ROR2: variants seen among roughly 807,000 people sequenced by gnomAD.
The protein encoded by ROR2 is ROR family WNT receptor 2, also known as tyrosine-protein kinase transmembrane receptor ROR2.
A neutral mutation model predicts 74.9 loss-of-function variants in ROR2; 33 were observed. That is an observed-to-expected ratio of 0.44 (90% confidence interval 0.33 to 0.59). The LOEUF (loss-of-function observed/expected upper bound fraction) is 0.59. Ranked by LOEUF, ROR2 falls within the 20% of genes least tolerant of loss-of-function variation. The pLI, the probability that ROR2 is intolerant of heterozygous loss-of-function variation, is 0.02. For missense variants in ROR2, 1,216 were observed against 1,313.8 expected (o/e 0.93, Z 1.15); for synonymous variants, 586 against 558.7 (o/e 1.05, Z -0.69).
rs1825781756 is a variant in ROR2 at position 91,757,219 on chromosome 9, T to C, written c.463+53A>G. ...AATAGCAACTGGACCTCTTGCTCGGTGGCTGGGAACCTTCATATCTGCTAA... is the reference window on the plus strand; with the variant it reads ...AATAGCAACTGGACCTCTTGCTCGGCGGCTGGGAACCTTCATATCTGCTAA... On this transcript the variant is annotated intron_variant, in intron 3 of 8. Transcript: ENST00000375708. 5 of 1,610,676 alleles carry C rather than the reference T, an allele frequency of 3.1e-6. No homozygotes were observed. In the East Asian group the frequency reaches 8.9e-5, roughly 29 times the overall value.
chr9:91,867,378 A>G (rs984225871), intron 1 of ROR2, among the ~76,000 whole-genome samples: 4 of 152,154 alleles, frequency 2.6e-5, no homozygotes, highest in Admixed American at 1.3e-4. Flanking sequence ...ACCCTGAGAG[A>G]TAACTTAATT....
intron 1 of ROR2, among the ~76,000 whole-genome samples, chr9:91,855,336 G>A (rs368310803): frequency 2.6e-5 from 4 of 152,362 alleles, no homozygotes; most frequent in African/African-American, 4.8e-5. Context: ...GTGTCTGAGC[G>A]TGCATGACAA....
intron 1 of ROR2, among the ~76,000 whole-genome samples, chr9:91,829,451 G>A (rs918028727): frequency 4.8e-5 from 7 of 147,334 alleles, no homozygotes; most frequent in South Asian, 4.3e-4. Context: ...TCGGGAGGCT[G>A]AAGCAGGAGA....
intron 2 of ROR2, among the ~76,000 whole-genome samples, chr9:91,775,320 G>T (rs1254736878): frequency 2.6e-5 from 4 of 152,190 alleles, no homozygotes; most frequent in Non-Finnish European, 5.9e-5. Flanking sequence ...TGTGCCAAGT[G>T]AGCATGGCTC....
At chr9:91,948,949 C>T (rs1286448610) in intron 1 of ROR2, 1 of 982,922 alleles carries the variant, frequency 1.0e-6, no homozygotes, top group Non-Finnish European at 1.2e-6. Flanking sequence ...TCCAGGCAAC[C>T]TAGGCAGGTC....
chr9:91,893,162 G>C (rs767500281), intron 1 of ROR2, among the ~76,000 whole-genome samples: 35 of 152,258 alleles, frequency 2.3e-4, no homozygotes, highest in Non-Finnish European at 4.7e-4. Context: ...CTGATGGCTA[G>C]CTTTGGCTAG....
chr9:91,789,911 A>C (rs1359108978), intron 1 of ROR2, among the ~76,000 whole-genome samples: 2 of 152,178 alleles, frequency 1.3e-5, no homozygotes, highest in Non-Finnish European at 2.9e-5. Flanking sequence ...AAAAAACACT[A>C]CCCAAACATA....
At chr9:91,757,584 G>C (rs766932371) in intron 2 of ROR2, 25 bp from the exon 3 acceptor site, 11 of 1,609,532 alleles carry the variant, frequency 6.8e-6, no homozygotes, top group Non-Finnish European at 9.3e-6. Flanking sequence ...GGTCACAAAA[G>C]AGCAAGCGTC....
intron 1 of ROR2, among the ~76,000 whole-genome samples, chr9:91,870,040 T>C (rs1472583112): frequency 1.3e-5 from 2 of 152,166 alleles, no homozygotes; most frequent in Non-Finnish European, 2.9e-5. Context: ...GAAAACAACA[T>C]CAAATGAAGA....
intron 1 of ROR2, among the ~76,000 whole-genome samples, chr9:91,823,394 A>G (rs1332562564): frequency 6.7e-6 from 1 of 149,894 alleles, no homozygotes; most frequent in East Asian, 1.9e-4. Context: ...GAGTGACATG[A>G]TCTCGGCCCA....
chr9:91,851,734 TG>T (rs1224244968), intron 1 of ROR2, among the ~76,000 whole-genome samples: 3 of 152,100 alleles, frequency 2.0e-5, no homozygotes, highest in Non-Finnish European at 4.4e-5. Context: ...CCCAGCACTT[TG>T]GGAGGCCGAA....
At chr9:91,895,919 G>A (rs765779864) in intron 1 of ROR2, among the ~76,000 whole-genome samples, 2 of 152,214 alleles carry the variant, frequency 1.3e-5, no homozygotes, top group Admixed American at 6.5e-5. Context: ...GGCATTTGGT[G>A]ATACAGGGAA....
chr9:91,944,295 C>T (rs1038196747), intron 1 of ROR2, among the ~76,000 whole-genome samples: 3 of 152,162 alleles, frequency 2.0e-5, no homozygotes, highest in Non-Finnish European at 4.4e-5. Context: ...TCTTATGGGA[C>T]CACTGTCATA....
intron 2 of ROR2, among the ~76,000 whole-genome samples, chr9:91,766,673 T>C (rs1826068082): frequency 1.3e-5 from 2 of 152,208 alleles, no homozygotes; most frequent in Admixed American, 1.3e-4. Flanking sequence ...ATACGGGGTT[T>C]GTATTAACCA....
chr9:91,757,517 A>C lies in ROR2; in HGVS notation c.218T>G (p.Ile73Ser). The change falls in exon 3 of 9, where the codon ATT (isoleucine) becomes AGT (serine). Residue 73 changes from isoleucine (I) to serine (S), a missense_variant. Ile to Ser is a moderately radical substitution (Grantham distance 142). Transcript: ENST00000375708. ...CAGAATTGCCGTCTGGCCTTGGACA[A>C]TGGTGATATTGTTTACTGGCTCCAG... Reference protein sequence around the residue: ...NFLEPVNNITIVQGQTAILHC... With the variant: ...NFLEPVNNITSVQGQTAILHC... 1.9e-6 allele frequency: 3 copies of C among 1,613,686 alleles called. No homozygotes were observed. The highest frequency in any genetic ancestry group is 2.5e-6 in the Non-Finnish European group (3 of 1,179,970).
intron 1 of ROR2, among the ~76,000 whole-genome samples, chr9:91,939,937 T>C (rs2118041610): frequency 6.6e-6 from 1 of 152,306 alleles, no homozygotes; most frequent in East Asian, 1.9e-4. Flanking sequence ...AGATGCCTCG[T>C]GGCCTGAATC....
intron 1 of ROR2, among the ~76,000 whole-genome samples, chr9:91,827,293 T>C (rs1445001076): frequency 6.6e-6 from 1 of 152,142 alleles, no homozygotes. Context: ...GAATATTACA[T>C]TTTGAAGGTT....
intron 1 of ROR2, among the ~76,000 whole-genome samples, chr9:91,846,972 A>C (rs1200612453): frequency 6.6e-6 from 1 of 152,148 alleles, no homozygotes; most frequent in Non-Finnish European, 1.5e-5. Flanking sequence ...AGATAACCAC[A>C]GGGTACCGCA....
chr9:91,894,450 C>G (rs1751312073), intron 1 of ROR2, among the ~76,000 whole-genome samples: 1 of 152,118 alleles, frequency 6.6e-6, no homozygotes, highest in Admixed American at 6.5e-5. Context: ...TTCTTGGTGT[C>G]CAGTGAGGCA....
Sources: allele counts gnomAD v4.1 joint callset (sites outside exome capture counted in the v4.1 genomes callset), GRCh38; gene constraint gnomAD v4.1.1; transcripts MANE v1.5; gene names NCBI Gene and HGNC (gene_info 2026-07-23, HGNC 2026-07-21).